The following NCF2 variants were observed in gnomAD, a reference collection of about 807,000 sequenced individuals.
The protein encoded by NCF2 is neutrophil cytosol factor 2.
NCF2 carries 45 observed loss-of-function variants against 70.9 expected under a neutral mutation model. The ratio of observed to expected loss-of-function variants is 0.63; its 90% CI spans 0.50 to 0.81. NCF2 has a LOEUF of 0.81. Among genes scored for constraint, NCF2 ranks in the 40% least tolerant of loss-of-function variants. NCF2 has a pLI of 0.00. For missense variants in NCF2, 522 were observed against 631.6 expected (o/e 0.83, Z 1.86); for synonymous variants, 203 against 233.6 (o/e 0.87, Z 1.19).
intron 5 of NCF2, among the ~76,000 whole-genome samples, chr1:183,571,763 C>T (rs1672573502): frequency 6.6e-6 from 1 of 152,204 alleles, no homozygotes; most frequent in South Asian, 2.1e-4. Flanking sequence ...GCTGTGAGGA[C>T]TCAGTGGAGA....
the NCF2 span, among the ~76,000 whole-genome samples, chr1:183,599,423 C>CTTCCTTCCTTCTTTCTTTCTTTCT: frequency 9.3e-6 from 1 of 107,426 alleles, no homozygotes; most frequent in African/African-American, 3.8e-5. Context: ...TCTTTCTTTC[C>CTTCCTTCCTTCTTTCTTTCTTTCT]TTCTTTCTTT....
intron 1 of NCF2, among the ~76,000 whole-genome samples, chr1:183,587,587 C>A (rs942736413): frequency 1.1e-5 from 1 of 94,010 alleles, no homozygotes; most frequent in Non-Finnish European, 2.0e-5. Context: ...AAGTAAGGCA[C>A]CCTGTCTCAA....
chr1:183,599,423 C>CTTTCT, the NCF2 span, among the ~76,000 whole-genome samples: 97 of 107,506 alleles, frequency 9.0e-4, no homozygotes, highest in African/African-American at 2.3e-3. Context: ...TCTTTCTTTC[C>CTTTCT]TTCTTTCTTT....
intron 1 of NCF2, among the ~76,000 whole-genome samples, chr1:183,588,617 AAAT>A (rs1159135766): frequency 2.6e-5 from 4 of 152,098 alleles, no homozygotes; most frequent in African/African-American, 4.8e-5. Context: ...AAAATAATTA[AAAT>A]ATTATATAAA....
At chr1:183,560,961 T>C (rs1672018247) in intron 13 of NCF2, among the ~76,000 whole-genome samples, 1 of 152,214 alleles carries the variant, frequency 6.6e-6, no homozygotes, top group African/African-American at 2.4e-5. Context: ...ATGCAGACTT[T>C]CAACTCCATC....
At chr1:183,591,072 T>C (rs1673620433), upstream of NCF2, among the ~76,000 whole-genome samples, 1 of 152,236 alleles carries the variant, frequency 6.6e-6, no homozygotes, top group Non-Finnish European at 1.5e-5. Context: ...TGGGGGGACT[T>C]TCCTGCCTTT....
intron 2 of NCF2, among the ~76,000 whole-genome samples, chr1:183,580,795 G>T (rs891746598): frequency 6.6e-6 from 1 of 152,018 alleles, no homozygotes; most frequent in African/African-American, 2.4e-5. Context: ...TGGCCAACAT[G>T]GTGAAACCCC....
upstream of NCF2, chr1:183,590,817 G>T (rs1366196600): frequency 5.3e-6 from 1 of 190,376 alleles, no homozygotes; most frequent in Non-Finnish European, 1.1e-5. Context: ...GCAGATAGGG[G>T]CAGGTCCCTG....
chr1:183,578,819 G>A (rs1192869294), intron 2 of NCF2, among the ~76,000 whole-genome samples: 1 of 152,226 alleles, frequency 6.6e-6, no homozygotes, highest in Non-Finnish European at 1.5e-5. Context: ...CATGTAGGTG[G>A]GACCTGGACA....
chr1:183,570,274 C>T (rs1322689829), intron 6 of NCF2, among the ~76,000 whole-genome samples: 1 of 152,226 alleles, frequency 6.6e-6, no homozygotes, highest in Non-Finnish European at 1.5e-5. Context: ...CTCACCTCTC[C>T]AAGCCCAGCT....
intron 5 of NCF2, among the ~76,000 whole-genome samples, chr1:183,572,163 G>C (rs572803994): frequency 6.5e-4 from 99 of 152,292 alleles, no homozygotes; most frequent in Middle Eastern, 3.4e-3. Flanking sequence ...ATGTCTGAAA[G>C]AATTTAAGAC....
In NCF2 at chr1:183,556,068, A is replaced by C. The variant is rs1249996718; in HGVS notation, c.*50T>G. 6.7e-7 allele frequency: 1 copy of C among 1,491,552 alleles called. No homozygotes were observed. Among genetic ancestry groups the C allele is most frequent in the Admixed American group, 1.7e-5 (1 of 59,766 alleles). 92.4% of individuals were successfully genotyped at this position (1,491,552 alleles called of 1,614,324 possible). On this transcript the variant is annotated 3_prime_UTR_variant, in exon 15 of 15. Transcript: ENST00000367535. ...CAGCAGAAGGGTGCTAAATCTTACAAACAAGTAATAGGGCTTCATTTTCTT... is the reference window on the plus strand; with the variant it reads ...CAGCAGAAGGGTGCTAAATCTTACACACAAGTAATAGGGCTTCATTTTCTT...
chr1:183,600,882 C>T, the NCF2 span, among the ~76,000 whole-genome samples: 5 of 152,340 alleles, frequency 3.3e-5, no homozygotes, highest in African/African-American at 9.6e-5. Context: ...CCAGGGCCAT[C>T]ATCCCACTGA....
In NCF2 at chr1:183,556,021, T is replaced by G. The variant is rs367946786; in HGVS notation, c.*97A>C. 7.5e-5 allele frequency: 76 copies of G among 1,010,784 alleles called. No individual in the cohort carries two copies. Among genetic ancestry groups the G allele is most frequent in the African/African-American group, 2.1e-4 (13 of 63,212 alleles). 62.6% of individuals were successfully genotyped at this position (1,010,784 alleles called of 1,614,324 possible). On this transcript the variant is annotated 3_prime_UTR_variant, in exon 15 of 15. Transcript: ENST00000367535. ...GAATAAATAGTTAACACTTCCAAACTGTAATGTCTCAGTACAGTATACAGC... is the reference window on the plus strand; with the variant it reads ...GAATAAATAGTTAACACTTCCAAACGGTAATGTCTCAGTACAGTATACAGC...
intron 2 of NCF2, among the ~76,000 whole-genome samples, chr1:183,578,785 G>GACCACATC (rs1349984657): frequency 6.6e-6 from 1 of 152,218 alleles, no homozygotes; most frequent in Non-Finnish European, 1.5e-5. Flanking sequence ...AATGGGAGCT[G>GACCACATC]ACCACATCAA....
Position 183,565,726 on chromosome 1 carries a change from A to C in NCF2, c.978T>G (p.Pro326=), listed in dbSNP as rs1672270254. The change falls in exon 10 of 15, where the codon CCT becomes CCG. Residue 326 remains proline (P), a synonymous_variant. Transcript: ENST00000367535. ...CACCTGGTGACAGCTGGGGTCTTCC[A>C]GGGGCTTTGGAACTAGGAGGAGCTG... ...DIPAPPSSKA[P]GRPQLSPGQK... is the part of the protein sequence containing the mutation. 1 of 1,612,680 alleles carries C rather than the reference A, an allele frequency of 6.2e-7. No individual in the cohort carries two copies.
the NCF2 span, among the ~76,000 whole-genome samples, chr1:183,600,876 G>T: frequency 6.6e-6 from 1 of 152,082 alleles, no homozygotes; most frequent in African/African-American, 2.4e-5. Flanking sequence ...CACACACCAG[G>T]GCCATCATCC....
chr1:183,588,474 C>CAAA (rs58562761), intron 1 of NCF2, among the ~76,000 whole-genome samples: 1 of 101,868 alleles, frequency 9.8e-6, no homozygotes, highest in South Asian at 3.2e-4. Flanking sequence ...GACTCCATCT[C>CAAA]AAAAAAAAAA....
chr1:183,597,846 A>G, the NCF2 span: 2 of 152,276 alleles, frequency 1.3e-5, no homozygotes, highest in African/African-American at 4.8e-5. Context: ...AAGAGTGGAC[A>G]TCTGTTAGGG....
Sources: allele counts gnomAD v4.1 joint callset (sites outside exome capture counted in the v4.1 genomes callset), GRCh38; gene constraint gnomAD v4.1.1; transcripts MANE v1.5; gene names NCBI Gene and HGNC (gene_info 2026-07-23, HGNC 2026-07-21).